Variants in ROCK1 observed in about 807,000 individuals in gnomAD.
ROCK1 encodes the protein rho-associated protein kinase 1.
A neutral mutation model predicts 196.8 loss-of-function variants in ROCK1; 36 were observed. The observed-to-expected ratio is 0.18, with a 90% CI of 0.14 to 0.24. The LOEUF (loss-of-function observed/expected upper bound fraction) is 0.24. Among genes scored for constraint, ROCK1 ranks in the 10% least tolerant of loss-of-function variants. The pLI is 1.00. For synonymous variants in ROCK1, 443 were observed against 515.9 expected (o/e 0.86, Z 1.91); for missense variants, 920 against 1,562.0 (o/e 0.59, Z 6.93).
At chr18:20,976,038 C>T (rs1157026099) in intron 22 of ROCK1, among the ~76,000 whole-genome samples, 2 of 152,156 alleles carry the variant, frequency 1.3e-5, no homozygotes, top group Non-Finnish European at 2.9e-5. Context: ...CTGCCCATTC[C>T]TTAAAAGTCT....
chr18:20,966,729 T>C (rs1273489277), intron 27 of ROCK1, among the ~76,000 whole-genome samples, 188 bp downstream of exon 27: 1 of 152,196 alleles, frequency 6.6e-6, no homozygotes, highest in Non-Finnish European at 1.5e-5. Context: ...TAAGATTGCT[T>C]ACAACTGCTC....
At chr18:21,016,493 A>G (rs1040864993) in intron 12 of ROCK1, among the ~76,000 whole-genome samples, 8 of 152,244 alleles carry the variant, frequency 5.3e-5, no homozygotes, top group African/African-American at 1.9e-4. Flanking sequence ...GGCAACACTC[A>G]AAGTGTATTA....
chr18:20,983,523 T>G (rs2035551783), intron 20 of ROCK1, among the ~76,000 whole-genome samples: 1 of 152,048 alleles, frequency 6.6e-6, no homozygotes, highest in Non-Finnish European at 1.5e-5. Flanking sequence ...TATGAAAGCC[T>G]AGCAGCTAGG....
chr18:21,044,210 A>G lies in ROCK1; in HGVS notation c.591-24T>C, dbSNP rs1286087717. The G allele has an allele frequency of 4.5e-6, 7 of 1,554,808 alleles. No individual in the cohort carries two copies. The East Asian group carries it at 1.6e-4, about 35-fold the overall frequency. ...CTCTGCAGGAGGGAAAAAATAGTAC[A>G]GTATTTTCTGAAACAGATTAGACAC... On this transcript the variant is annotated intron_variant, in intron 5 of 32. Transcript: ENST00000399799.
rs1424174424 is a variant in ROCK1, at chr18:21,070,740, C to T, written c.94-127G>A. On this transcript the variant is annotated intron_variant, in intron 1 of 32. Transcript: ENST00000399799. ...AACACATCTTGTGTACATTTAACAC[C>T]CTCTACAAGGTTAGATGAGTACTGG... 1.1e-5 allele frequency: 6 copies of T among 553,048 alleles called. No homozygotes were observed. In the Admixed American group the frequency reaches 1.6e-4, roughly 14 times the overall value. 34.3% of individuals were successfully genotyped at this position (553,048 alleles called of 1,614,324 possible).
intron 27 of ROCK1, among the ~76,000 whole-genome samples, chr18:20,965,373 T>G (rs773545361): frequency 1.3e-5 from 2 of 151,456 alleles, no homozygotes; most frequent in African/African-American, 2.4e-5. Flanking sequence ...GGCAACAGAG[T>G]GAGACTGTTT....
intron 16 of ROCK1, among the ~76,000 whole-genome samples, chr18:21,000,559 G>A (rs2035715160): frequency 1.3e-5 from 2 of 152,252 alleles, no homozygotes; most frequent in Admixed American, 1.3e-4. Context: ...TACTGCACCT[G>A]GCTGCCAATC....
intron 1 of ROCK1, among the ~76,000 whole-genome samples, chr18:21,074,292 C>A (rs2036411712): frequency 6.6e-6 from 1 of 152,212 alleles, no homozygotes; most frequent in African/African-American, 2.4e-5. Flanking sequence ...CAGTTAAAAT[C>A]TGTTTAACTG....
At chr18:20,973,175 G>A (rs111473763) in intron 22 of ROCK1, among the ~76,000 whole-genome samples, 79 of 152,176 alleles carry the variant, frequency 5.2e-4, no homozygotes, top group African/African-American at 1.8e-3. Context: ...CACCACGCCC[G>A]GTGTAAGAGG....
intron 1 of ROCK1, among the ~76,000 whole-genome samples, chr18:21,098,993 A>T (rs1333002098): frequency 6.6e-5 from 10 of 152,238 alleles, no homozygotes; most frequent in Admixed American, 2.0e-4. Flanking sequence ...GGAAATGTAA[A>T]ATAGCACAAC....
At chr18:21,028,449 T>C (rs1269986369) in intron 10 of ROCK1, among the ~76,000 whole-genome samples, 1 of 151,954 alleles carries the variant, frequency 6.6e-6, no homozygotes, top group Non-Finnish European at 1.5e-5. Context: ...ACAAAAAAAG[T>C]CTACATGTTG....
Position 20,975,425 on chromosome 18 carries a change from ACT to A in ROCK1, c.2654+4483_2654+4484del, listed in dbSNP as rs961867242. ...TAAGGCTAATCAGGCTGTTAGATATACTCTGTCTCTTGTTTTACCCTTTCCAT... is the reference window on the plus strand; with the variant it reads ...TAAGGCTAATCAGGCTGTTAGATATACTGTCTCTTGTTTTACCCTTTCCAT... On this transcript the variant is annotated intron_variant, in intron 22 of 32. Transcript: ENST00000399799. Among the ~76,000 whole-genome samples the A allele has an allele frequency of 4.1e-4, 62 of 151,938 alleles. 4 individuals are homozygous for A. Among genetic ancestry groups the A allele is most frequent in the Non-Finnish European group, 1.5e-5 (1 of 67,970 alleles).
intron 12 of ROCK1, among the ~76,000 whole-genome samples, chr18:21,017,896 C>A (rs550906677): frequency 2.8e-4 from 43 of 151,078 alleles, no homozygotes; most frequent in South Asian, 4.2e-4. Context: ...TGCCATGAAC[C>A]CGGGAGGTGG....
intron 10 of ROCK1, among the ~76,000 whole-genome samples, chr18:21,027,151 C>T (rs952799946): frequency 6.6e-6 from 1 of 152,088 alleles, no homozygotes; most frequent in African/African-American, 2.4e-5. Flanking sequence ...ATTGGCCAGG[C>T]TAGTCACGAA....
At chr18:21,060,302 T>G (rs2036277848) in intron 2 of ROCK1, among the ~76,000 whole-genome samples, 1 of 152,220 alleles carries the variant, frequency 6.6e-6, no homozygotes, top group South Asian at 2.1e-4. Flanking sequence ...ATAAGTTAGA[T>G]TTCATCAAAA....
chr18:21,053,126 C>G (rs991164454), intron 2 of ROCK1, among the ~76,000 whole-genome samples: 10 of 152,196 alleles, frequency 6.6e-5, no homozygotes, highest in Non-Finnish European at 1.3e-4. Flanking sequence ...ATTCTTTGAG[C>G]AGCTATTCTT....
intron 22 of ROCK1, among the ~76,000 whole-genome samples, chr18:20,973,829 C>G (rs1488826350): frequency 1.4e-5 from 2 of 147,816 alleles, no homozygotes; most frequent in Admixed American, 6.8e-5. Flanking sequence ...GAGTCTTGCT[C>G]TGTCACCCAG....
At chr18:21,074,772 T>G (rs750139053) in intron 1 of ROCK1, among the ~76,000 whole-genome samples, 25 of 151,320 alleles carry the variant, frequency 1.7e-4, no homozygotes, top group Non-Finnish European at 3.2e-4. Context: ...AGTTCAGAAG[T>G]TAGTTAGTAG....
At chr18:21,019,346 G>A (rs1213057918) in intron 12 of ROCK1, among the ~76,000 whole-genome samples, 7 of 152,030 alleles carry the variant, frequency 4.6e-5, no homozygotes, top group East Asian at 1.9e-4. Context: ...GTAGAGATGC[G>A]GTTTCGCCAT....
Sources: allele counts gnomAD v4.1 joint callset (sites outside exome capture counted in the v4.1 genomes callset), GRCh38; gene constraint gnomAD v4.1.1; transcripts MANE v1.5; gene names NCBI Gene and HGNC (gene_info 2026-07-23, HGNC 2026-07-21).